The following NUDT3 variants were observed in gnomAD, a reference collection of about 807,000 sequenced individuals.
NUDT3 encodes the protein diphosphoinositol polyphosphate phosphohydrolase 1.
NUDT3 carries 9 observed loss-of-function variants against 23.6 expected under a neutral mutation model. The ratio of observed to expected loss-of-function variants is 0.38; its 90% CI spans 0.23 to 0.66. The LOEUF (loss-of-function observed/expected upper bound fraction) is 0.66. NUDT3 is among the 30% of genes least tolerant of loss of function. NUDT3 has a pLI of 0.52. For synonymous variants in NUDT3, 86 were observed against 82.6 expected (o/e 1.04, Z -0.22); for missense variants, 172 against 218.5 (o/e 0.79, Z 1.34).
intron 2 of NUDT3, among the ~76,000 whole-genome samples, chr6:34,299,586 G>T (rs1014202512): frequency 6.7e-6 from 1 of 149,346 alleles, no homozygotes; most frequent in Non-Finnish European, 1.5e-5. Context: ...CACCAAGACC[G>T]GGTATTTTCT....
At chr6:34,364,964 T>C (rs922348342) in intron 1 of NUDT3, among the ~76,000 whole-genome samples, 2 of 152,010 alleles carry the variant, frequency 1.3e-5, no homozygotes, top group Middle Eastern at 6.3e-3. Flanking sequence ...GAGCTTGCAG[T>C]GAGCTAAGAT....
intron 1 of NUDT3, among the ~76,000 whole-genome samples, chr6:34,348,932 T>G (rs999527591): frequency 1.3e-5 from 2 of 151,950 alleles, no homozygotes; most frequent in Non-Finnish European, 2.9e-5. Flanking sequence ...CAATCGTGGC[T>G]TACTGCAGCC....
At chr6:34,322,257 G>A (rs1581864660) in intron 2 of NUDT3, among the ~76,000 whole-genome samples, 1 of 150,942 alleles carries the variant, frequency 6.6e-6, no homozygotes, top group African/African-American at 2.4e-5. Context: ...TTGAGATGGA[G>A]TTTCGCTCTG....
At chr6:34,362,828 G>A (rs976500870) in intron 1 of NUDT3, among the ~76,000 whole-genome samples, 7 of 152,098 alleles carry the variant, frequency 4.6e-5, no homozygotes, top group African/African-American at 1.7e-4. Flanking sequence ...GGTATTAGTG[G>A]ATGTATTTCT....
chr6:34,387,310 C>A (rs9469776), intron 1 of NUDT3, among the ~76,000 whole-genome samples: 3 of 151,982 alleles, frequency 2.0e-5, no homozygotes, highest in Non-Finnish European at 4.4e-5. Flanking sequence ...GATAGCTCCA[C>A]GCCTGTTACT....
chr6:34,309,150 A>G (rs957061516), intron 2 of NUDT3, among the ~76,000 whole-genome samples: 1 of 152,046 alleles, frequency 6.6e-6, no homozygotes, highest in African/African-American at 2.4e-5. Flanking sequence ...GGAGGCCAAG[A>G]TGGGAGGATC....
chr6:34,326,322 A>T (rs563237334), intron 2 of NUDT3, among the ~76,000 whole-genome samples: 5 of 152,372 alleles, frequency 3.3e-5, no homozygotes. Context: ...CCAAGGTTAA[A>T]AACCTTTATT....
intron 2 of NUDT3, among the ~76,000 whole-genome samples, chr6:34,297,761 T>TA (rs60304042): frequency 3.7e-4 from 29 of 77,524 alleles, no homozygotes; most frequent in East Asian, 2.3e-3. Context: ...ATATATATAA[T>TA]TTTTTTTTTT....
chr6:34,363,813 CCCA>C (rs1764684606), intron 1 of NUDT3, among the ~76,000 whole-genome samples: 1 of 151,616 alleles, frequency 6.6e-6, no homozygotes, highest in Non-Finnish European at 1.5e-5. Context: ...CGCTCTGTCA[CCCA>C]GGCTGGAGTG....
At chr6:34,390,293 CAA>C (rs755995171) in intron 1 of NUDT3, among the ~76,000 whole-genome samples, 2 of 134,692 alleles carry the variant, frequency 1.5e-5, no homozygotes, top group Non-Finnish European at 1.6e-5. Flanking sequence ...GAGTCGGTCT[CAA>C]AAAAAAAAAA....
chr6:34,328,166 C>T (rs1764070864), intron 2 of NUDT3, among the ~76,000 whole-genome samples: 1 of 152,110 alleles, frequency 6.6e-6, no homozygotes, highest in African/African-American at 2.4e-5. Context: ...AATCTTCCGC[C>T]CACAGTGAAC....
chr6:34,351,926 T>C (rs1764485627), intron 1 of NUDT3, among the ~76,000 whole-genome samples: 1 of 151,584 alleles, frequency 6.6e-6, no homozygotes, highest in Non-Finnish European at 1.5e-5. Flanking sequence ...ATATTTAAGA[T>C]GTATAAATGG....
rs148973191 is a variant in NUDT3, at chr6:34,346,129, C to A, written c.100-4157G>T. ...CACTCATTCTCTTCAATAACTGTGACCAATCTTACATTTTACAACATTCTT... is the reference window on the plus strand; with the variant it reads ...CACTCATTCTCTTCAATAACTGTGAACAATCTTACATTTTACAACATTCTT... On this transcript the variant is annotated intron_variant, in intron 1 of 4. Transcript: ENST00000607016. 4.3e-3 allele frequency among the ~76,000 whole-genome samples: 658 copies of A among 152,138 alleles called. 5 individuals are homozygous for A. The highest frequency in any genetic ancestry group is 0.015 in the African/African-American group (625 of 41,496).
intron 1 of NUDT3, among the ~76,000 whole-genome samples, chr6:34,368,982 G>C (rs1210866339): frequency 6.6e-6 from 1 of 152,124 alleles, no homozygotes; most frequent in Non-Finnish European, 1.5e-5. Context: ...CTGTTTTCTG[G>C]AGTGGATCTT....
chr6:34,350,199 G>A (rs1449199278), intron 1 of NUDT3, among the ~76,000 whole-genome samples: 1 of 150,872 alleles, frequency 6.6e-6, no homozygotes, highest in East Asian at 1.9e-4. Context: ...GATTTCTGGA[G>A]AATCAGTTGC....
rs766532519 is a variant in NUDT3 at position 34,287,725 on chromosome 6, G to C, written c.*1028C>G. 6.6e-6 allele frequency: 1 copy of C among 152,220 alleles called. No individual in the cohort carries two copies. Among genetic ancestry groups the C allele is most frequent in the African/African-American group, 2.4e-5 (1 of 41,436 alleles). The allele number at this position is 152,220 out of a possible 1,614,324, so 9.4% of individuals were successfully genotyped here. On this transcript the variant is annotated 3_prime_UTR_variant, in exon 5 of 5. Transcript: ENST00000607016. ...GATACCCAGGTCAGCACGGTGTAAG[G>C]CATATATGGACACAAAGAGAGGCCA...
intron 1 of NUDT3, among the ~76,000 whole-genome samples, chr6:34,353,236 T>C (rs1764505229): frequency 6.6e-6 from 1 of 152,212 alleles, no homozygotes; most frequent in Non-Finnish European, 1.5e-5. Flanking sequence ...GAGATCATTT[T>C]ATCAGTACAT....
At chr6:34,362,935 G>A (rs767389771) in intron 1 of NUDT3, among the ~76,000 whole-genome samples, 5 of 152,106 alleles carry the variant, frequency 3.3e-5, no homozygotes, top group Admixed American at 6.5e-5. Flanking sequence ...ACCTGTCTCC[G>A]TTTGACTGCT....
At chr6:34,332,049 T>C (rs950533504) in intron 2 of NUDT3, among the ~76,000 whole-genome samples, 1 of 152,040 alleles carries the variant, frequency 6.6e-6, no homozygotes, top group African/African-American at 2.4e-5. Context: ...TAATTTTTTT[T>C]AAAATTTTTT....
Sources: gnomAD v4.1 joint callset for allele counts (sites outside exome capture counted in the v4.1 genomes callset) on GRCh38, gnomAD v4.1.1 for gene constraint, MANE v1.5 for transcripts, NCBI Gene and HGNC (gene_info 2026-07-23, HGNC 2026-07-21) for gene names.